The following PLXDC2 variants were observed in gnomAD, a reference collection of about 807,000 sequenced individuals.
PLXDC2 encodes the protein plexin domain-containing protein 2.
In PLXDC2, 40 loss-of-function variants were observed where a neutral mutation model predicts 68.9. The ratio of observed to expected loss-of-function variants is 0.58; its 90% CI spans 0.45 to 0.76. The LOEUF (loss-of-function observed/expected upper bound fraction) is 0.76. Among genes scored for constraint, PLXDC2 ranks in the 30% least tolerant of loss-of-function variants. The pLI is 0.00. For missense variants in PLXDC2, 644 were observed against 661.9 expected (o/e 0.97, Z 0.30); for synonymous variants, 243 against 234.2 (o/e 1.04, Z -0.34).
Position 20,010,632 on chromosome 10 carries a change from G to A in PLXDC2, c.324+8646G>A, listed in dbSNP as rs554396410. Among the ~76,000 whole-genome samples the A allele has an allele frequency of 1.8e-3, 272 of 152,296 alleles. 1 individual carries two copies. Among genetic ancestry groups the A allele is most frequent in the African/African-American group, 5.8e-3 (243 of 41,564 alleles). On this transcript the variant is annotated intron_variant, in intron 2 of 13. Coordinates refer to ENST00000377252, the MANE Select transcript of PLXDC2 (RefSeq NM_032812.9). ...TTGAGTTTACTTATAGTTATGGCAT[G>A]AAAATAGACTTTAGAATGATACATG... is the stretch of plus-strand genomic sequence containing the variant.
At chr10:19,827,744 A>G (rs187430838) in intron 1 of PLXDC2, among the ~76,000 whole-genome samples, 22 of 152,128 alleles carry the variant, frequency 1.4e-4, no homozygotes, top group Admixed American at 2.6e-4. Context: ...TTTTTAGTAG[A>G]GATGGGGTTT....
At chr10:20,087,552 A>G (rs1833216637) in intron 4 of PLXDC2, among the ~76,000 whole-genome samples, 1 of 152,194 alleles carries the variant, frequency 6.6e-6, no homozygotes, top group Non-Finnish European at 1.5e-5. Context: ...CTGAGTGGTT[A>G]CAGATCCAAT....
chr10:20,056,669 T>C (rs1169365394), intron 3 of PLXDC2, among the ~76,000 whole-genome samples: 1 of 152,190 alleles, frequency 6.6e-6, no homozygotes, highest in Non-Finnish European at 1.5e-5. Flanking sequence ...AAACCTTAGC[T>C]TCCCAAAGCA....
chr10:19,863,864 G>A (rs1173240838), intron 1 of PLXDC2, among the ~76,000 whole-genome samples: 2 of 151,996 alleles, frequency 1.3e-5, no homozygotes, highest in Non-Finnish European at 2.9e-5. Context: ...GACTTGATAA[G>A]TGTGTGATTT....
intron 3 of PLXDC2, among the ~76,000 whole-genome samples, chr10:20,062,452 T>A (rs1836123856): frequency 1.3e-5 from 2 of 151,788 alleles, no homozygotes; most frequent in Non-Finnish European, 2.9e-5. Context: ...AAAAATAAAT[T>A]TAAAAAATTA....
chr10:19,882,083 T>C (rs995273853), intron 1 of PLXDC2, among the ~76,000 whole-genome samples: 1 of 152,246 alleles, frequency 6.6e-6, no homozygotes, highest in African/African-American at 2.4e-5. Flanking sequence ...GCTTACTAAG[T>C]GCCTAGTTAA....
chr10:19,842,724 A>G (rs1836932618), intron 1 of PLXDC2, among the ~76,000 whole-genome samples: 1 of 152,236 alleles, frequency 6.6e-6, no homozygotes, highest in Non-Finnish European at 1.5e-5. Flanking sequence ...TTGCAAATTT[A>G]GAAGAAGGAT....
At chr10:20,164,678 A>G in intron 7 of PLXDC2, 111 bp downstream of exon 7, 1 of 797,676 alleles carries the variant, frequency 1.3e-6, no homozygotes, top group East Asian at 2.6e-5. Flanking sequence ...CTAATCGATT[A>G]GCTGATTAAT....
chr10:19,970,257 A>T (rs1834327653), intron 1 of PLXDC2, among the ~76,000 whole-genome samples: 1 of 152,224 alleles, frequency 6.6e-6, no homozygotes, highest in African/African-American at 2.4e-5. Flanking sequence ...TTATTGTTTG[A>T]CAAAAACTTT....
At chr10:19,835,516 G>A (rs890514366) in intron 1 of PLXDC2, among the ~76,000 whole-genome samples, 6 of 152,210 alleles carry the variant, frequency 3.9e-5, no homozygotes, top group Admixed American at 6.5e-5. Flanking sequence ...TCCCAGGACT[G>A]GGGCTCAGCA....
At chr10:19,856,922 A>G (rs913344105) in intron 1 of PLXDC2, among the ~76,000 whole-genome samples, 3 of 152,344 alleles carry the variant, frequency 2.0e-5, no homozygotes, top group Admixed American at 2.0e-4. Context: ...GGAAATCATC[A>G]GGGAAGATAG....
chr10:19,819,528 G>T (rs566079961), intron 1 of PLXDC2, among the ~76,000 whole-genome samples: 61 of 152,310 alleles, frequency 4.0e-4, no homozygotes, highest in South Asian at 1.7e-3. Context: ...CAACAATCAG[G>T]ATCTTTATTA....
intron 13 of PLXDC2, among the ~76,000 whole-genome samples, chr10:20,245,889 G>A (rs1279696829): frequency 6.6e-6 from 1 of 152,152 alleles, no homozygotes; most frequent in Non-Finnish European, 1.5e-5. Context: ...CTCAGTAAAT[G>A]CTAATTGAGT....
intron 1 of PLXDC2, among the ~76,000 whole-genome samples, chr10:19,873,378 G>A (rs184666136): frequency 2.6e-4 from 40 of 151,080 alleles, no homozygotes; most frequent in African/African-American, 8.5e-4. Context: ...TCCACTACTG[G>A]AATGTTGGGA....
At chr10:20,152,580 T>C (rs1483635483) in intron 6 of PLXDC2, among the ~76,000 whole-genome samples, 2 of 152,172 alleles carry the variant, frequency 1.3e-5, no homozygotes, top group African/African-American at 4.8e-5. Flanking sequence ...TTACCAACTG[T>C]TCATTATAAT....
At chr10:19,847,006 A>T (rs1040753596) in intron 1 of PLXDC2, among the ~76,000 whole-genome samples, 4 of 152,088 alleles carry the variant, frequency 2.6e-5, no homozygotes, top group Non-Finnish European at 5.9e-5. Context: ...TTTGAGACTT[A>T]TTCACTGTCA....
At position 20,282,950 on chromosome 10, in the gene PLXDC2, A is replaced by T. The variant is rs1193175772; in HGVS notation, c.*3131A>T. On this transcript the variant is annotated 3_prime_UTR_variant, in exon 14 of 14. Transcript: ENST00000377252. ...GTGGCTTTTGAAATTAAAATTAATT[A>T]AAATTAAATTAAAAATGTAATTCTT... is the stretch of plus-strand genomic sequence containing the variant. The T allele has an allele frequency of 6.6e-6, 1 of 152,244 alleles. No individual in the cohort carries two copies. The allele number at this position is 152,244 out of a possible 1,614,324, so 9.4% of individuals were successfully genotyped here.
intron 1 of PLXDC2, among the ~76,000 whole-genome samples, chr10:19,941,852 CTT>C (rs1833823371): frequency 6.6e-6 from 1 of 151,582 alleles, no homozygotes; most frequent in South Asian, 2.1e-4. Context: ...TCACATAGCT[CTT>C]CTCATTTTAT....
In PLXDC2 at chr10:20,064,959, G is replaced by A. The variant is rs538292299; in HGVS notation, c.472-3211G>A. 2.9e-4 allele frequency among the ~76,000 whole-genome samples: 44 copies of A among 152,066 alleles called. No individual in the cohort carries two copies. The South Asian group carries it at 8.7e-3, about 30-fold the overall frequency. ...AGTCCATGGGGACTGAGGCCCAACT[G>A]GCTATAATGATAACATGTCCAACAC... On this transcript the variant is annotated intron_variant, in intron 3 of 13. Coordinates refer to ENST00000377252, the MANE Select transcript of PLXDC2 (RefSeq NM_032812.9).
Sources: allele counts gnomAD v4.1 joint callset (sites outside exome capture counted in the v4.1 genomes callset), GRCh38; gene constraint gnomAD v4.1.1; transcripts MANE v1.5; gene names NCBI Gene and HGNC (gene_info 2026-07-23, HGNC 2026-07-21).